The following DNAI3 variants were observed in gnomAD, a reference collection of about 807,000 sequenced individuals.
The protein encoded by DNAI3 is dynein axonemal intermediate chain 3, also known as WD repeat domain 63.
Under a neutral mutation model 115.5 loss-of-function variants are expected in DNAI3, and 83 were observed. The ratio of observed to expected loss-of-function variants is 0.72; its 90% CI spans 0.60 to 0.86. The LOEUF (loss-of-function observed/expected upper bound fraction) is 0.86, where lower values mean the gene tolerates loss of function less well. Ranked by LOEUF, DNAI3 falls within the 40% of genes least tolerant of loss-of-function variation. The probability of loss-of-function intolerance (pLI) is 0.00; values close to 1 mark genes in which losing one functional copy is unlikely to be tolerated. For synonymous variants in DNAI3, 320 were observed against 347.0 expected, an observed-to-expected ratio of 0.92 and a Z score of 0.86; for missense variants, 1,004 against 1,075.8, an observed-to-expected ratio of 0.93 and a Z score of 0.93.
rs1654451428 is a variant in DNAI3, at chr1:85,076,237, C to T, written c.103+3145C>T. On this transcript the variant is annotated intron_variant, in intron 3 of 22. Coordinates refer to ENST00000294664, the MANE Select transcript of DNAI3 (RefSeq NM_145172.5). Reference sequence around the variant, plus strand: ...CCTCCTGTCACCATCTTATAAGGCCCCTTGGGATTACACTGGGCCAATGTC... The same window carrying T: ...CCTCCTGTCACCATCTTATAAGGCCTCTTGGGATTACACTGGGCCAATGTC... Among the ~76,000 whole-genome samples, 3 of 152,232 alleles carry T rather than the reference C, an allele frequency of 2.0e-5. No homozygotes were observed. The South Asian group carries it at 6.2e-4, about 32-fold the overall frequency.
intron 1 of DNAI3, among the ~76,000 whole-genome samples, chr1:85,070,900 G>C (rs1654253169): frequency 1.3e-5 from 2 of 152,188 alleles, no homozygotes; most frequent in South Asian, 4.1e-4. Context: ...AAAATCTAAA[G>C]GGAAGATGTT....
chr1:85,110,971 A>G (rs1269089813), intron 16 of DNAI3, among the ~76,000 whole-genome samples: 1 of 152,258 alleles, frequency 6.6e-6, no homozygotes, highest in Non-Finnish European at 1.5e-5. Flanking sequence ...TGAAGGGGGC[A>G]CATATAAGCT....
At chr1:85,109,483 A>G (rs1376370462) in intron 15 of DNAI3, among the ~76,000 whole-genome samples, 1 of 152,194 alleles carries the variant, frequency 6.6e-6, no homozygotes, top group Non-Finnish European at 1.5e-5. Flanking sequence ...ATCTAAGAAT[A>G]ATTGCATAGC....
intron 1 of DNAI3, among the ~76,000 whole-genome samples, chr1:85,068,324 T>A (rs531211383): frequency 6.6e-6 from 1 of 152,314 alleles, no homozygotes; most frequent in African/African-American, 2.4e-5. Context: ...AGCAACTCCA[T>A]GCTTTCAATT....
rs1371936158 is a variant in DNAI3, at chr1:85,085,983, C to T, written c.693C>T (p.Gly231=). The part of the protein sequence containing the change: ...FTLKQLEKDV[G]MQVIPQIKDI... ...TTAAACAACTTGAAAAAGATGTTGG[C>T]ATGCAAGTAATCCCCCAAATAAAGG... Residue 231 remains glycine (G), a synonymous_variant, in exon 7 of 23, where the codon GGC becomes GGT. Transcript: ENST00000294664. 2.5e-6 allele frequency: 4 copies of T among 1,613,974 alleles called. No homozygotes were observed. The highest frequency in any genetic ancestry group is 3.4e-6 in the Non-Finnish European group (4 of 1,180,000).
At chr1:85,081,719 C>T (rs1654637784) in intron 4 of DNAI3, among the ~76,000 whole-genome samples, 1 of 152,150 alleles carries the variant, frequency 6.6e-6, no homozygotes, top group Admixed American at 6.5e-5. Flanking sequence ...GCAATCATGG[C>T]GCACTGCAAC....
intron 6 of DNAI3, among the ~76,000 whole-genome samples, chr1:85,084,997 TC>T (rs1246555802): frequency 2.6e-5 from 4 of 152,076 alleles, no homozygotes; most frequent in Non-Finnish European, 5.9e-5. Context: ...GTAGGGTAGG[TC>T]CCTAATCCAA....
chr1:85,129,028 T>C (rs1454915677), intron 21 of DNAI3, among the ~76,000 whole-genome samples: 2 of 152,210 alleles, frequency 1.3e-5, no homozygotes, highest in African/African-American at 4.8e-5. Flanking sequence ...GTCCAGATTC[T>C]GAGAGAATAA....
At chr1:85,102,659 T>G (rs893495926) in intron 13 of DNAI3, among the ~76,000 whole-genome samples, 4 of 152,206 alleles carry the variant, frequency 2.6e-5, no homozygotes, top group Non-Finnish European at 4.4e-5. Context: ...GTCAAGGTGG[T>G]TCTTAAGTCA....
chr1:85,112,718 C>T (rs534444587), intron 16 of DNAI3, among the ~76,000 whole-genome samples: 10 of 152,294 alleles, frequency 6.6e-5, no homozygotes, highest in Admixed American at 2.6e-4. Context: ...TGTATATCTT[C>T]CCTGGTTAAG....
At chr1:85,091,578 T>G (rs983461116) in intron 8 of DNAI3, among the ~76,000 whole-genome samples, 3 of 152,252 alleles carry the variant, frequency 2.0e-5, no homozygotes, top group South Asian at 2.1e-4. Context: ...TTAATTAAGG[T>G]AAGCCTGATT....
chr1:85,118,060 C>G (rs1655885772), intron 17 of DNAI3, among the ~76,000 whole-genome samples: 1 of 152,124 alleles, frequency 6.6e-6, no homozygotes, highest in African/African-American at 2.4e-5. Flanking sequence ...CGTATGTGGA[C>G]AAATCTGTAA....
At chr1:85,083,205 C>G (rs1654683761) in intron 5 of DNAI3, among the ~76,000 whole-genome samples, 1 of 152,154 alleles carries the variant, frequency 6.6e-6, no homozygotes, top group African/African-American at 2.4e-5. Context: ...AAAAAAATAT[C>G]TAGGCTGGGC....
Position 85,081,515 on chromosome 1 carries a change from T to C in DNAI3, c.285+100T>C, listed in dbSNP as rs72946777. ...GGTTGTTGGTTCAAATCTGGCCCCA[T>C]TGCTTTGGGCAAGTGCTAGCTTGCC... On this transcript the variant is annotated intron_variant, in intron 4 of 22. Coordinates refer to ENST00000294664, the MANE Select transcript of DNAI3 (RefSeq NM_145172.5). The C allele has an allele frequency of 3.4e-3, 4,057 of 1,176,806 alleles. 93 individuals carry two copies. The African/African-American group carries it at 0.059, about 17-fold the overall frequency. The allele number at this position is 1,176,806 out of a possible 1,614,324, so 72.9% of individuals were successfully genotyped here.
At chr1:85,069,055 ATG>A (rs1483205803) in intron 1 of DNAI3, among the ~76,000 whole-genome samples, 1 of 152,220 alleles carries the variant, frequency 6.6e-6, no homozygotes, top group Non-Finnish European at 1.5e-5. Flanking sequence ...TTGTTACCGT[ATG>A]TCACTGAGAT....
chr1:85,071,780 C>T (rs1430284019), intron 1 of DNAI3, 148 bp from the exon 2 acceptor site: 13 of 727,560 alleles, frequency 1.8e-5, no homozygotes, highest in Non-Finnish European at 3.0e-5. Flanking sequence ...ACAGAACACC[C>T]GTTCTATGAA....
intron 20 of DNAI3, among the ~76,000 whole-genome samples, chr1:85,128,366 TCTC>T (rs1421077413): frequency 1.3e-5 from 2 of 152,168 alleles, no homozygotes; most frequent in Non-Finnish European, 2.9e-5. Flanking sequence ...TTCCATGTGT[TCTC>T]CTTGCTTTCT....
intron 3 of DNAI3, among the ~76,000 whole-genome samples, chr1:85,074,824 A>G (rs1654402542): frequency 6.6e-6 from 1 of 152,176 alleles, no homozygotes; most frequent in Non-Finnish European, 1.5e-5. Context: ...TTCTGTTTAA[A>G]GACTCCTTAT....
At chr1:85,086,424 A>C (rs985825906) in intron 7 of DNAI3, among the ~76,000 whole-genome samples, 3 of 152,104 alleles carry the variant, frequency 2.0e-5, no homozygotes, top group African/African-American at 7.2e-5. Flanking sequence ...GGCTTTCATC[A>C]CTTAAAAAAT....
Sources: gnomAD v4.1 joint callset for allele counts (sites outside exome capture counted in the v4.1 genomes callset) on GRCh38, gnomAD v4.1.1 for gene constraint, MANE v1.5 for transcripts, NCBI Gene and HGNC (gene_info 2026-07-23, HGNC 2026-07-21) for gene names.